ZBTB20: variants seen among roughly 807,000 people sequenced by gnomAD.
ZBTB20 encodes the protein zinc finger and BTB domain-containing protein 20.
Under a neutral mutation model 56.9 loss-of-function variants are expected in ZBTB20, and 9 were observed. The observed-to-expected ratio is 0.16, with a 90% CI of 0.10 to 0.28. The LOEUF (loss-of-function observed/expected upper bound fraction) is 0.28, where lower values mean the gene tolerates loss of function less well. Ranked by LOEUF, ZBTB20 falls within the 10% of genes least tolerant of loss-of-function variation. ZBTB20 has a pLI of 1.00. For missense variants in ZBTB20, 655 were observed against 1,003.0 expected (o/e 0.65, Z 4.69); for synonymous variants, 417 against 420.7 (o/e 0.99, Z 0.11).
At chr3:114,415,281 AAG>A (rs1479247232) in intron 7 of ZBTB20, among the ~76,000 whole-genome samples, 1 of 152,150 alleles carries the variant, frequency 6.6e-6, no homozygotes, top group Non-Finnish European at 1.5e-5. Context: ...GAAAGAGAGT[AAG>A]AGAAAAATGT....
At chr3:114,881,238 C>T (rs1362539436) in intron 4 of ZBTB20, among the ~76,000 whole-genome samples, 2 of 152,044 alleles carry the variant, frequency 1.3e-5, no homozygotes, top group Non-Finnish European at 2.9e-5. Context: ...TGTCAGTCAG[C>T]ACAACTCTTA....
Position 115,134,838 on chromosome 3 carries a change from G to A in ZBTB20, c.-703+12381C>T, listed in dbSNP as rs918445909. Among the ~76,000 whole-genome samples the A allele has an allele frequency of 3.3e-5, 5 of 152,224 alleles. No individual in the cohort carries two copies. In the East Asian group the frequency reaches 9.7e-4, roughly 29 times the overall value. On this transcript the variant is annotated intron_variant, in intron 1 of 11. Transcript: ENST00000675478. ...GTCTGGTTGCCAGATTATCCTAAAT[G>A]GCAGAAATATCACAGGTGGTGAAAA... is the stretch of plus-strand genomic sequence containing the variant.
intron 5 of ZBTB20, among the ~76,000 whole-genome samples, chr3:114,730,918 C>A (rs2065688740): frequency 6.6e-6 from 1 of 152,098 alleles, no homozygotes; most frequent in African/African-American, 2.4e-5. Context: ...AGAAATGTCC[C>A]AAGAGACAAG....
chr3:114,880,418 C>G (rs969078747), intron 4 of ZBTB20, among the ~76,000 whole-genome samples: 1 of 152,054 alleles, frequency 6.6e-6, no homozygotes, highest in East Asian at 1.9e-4. Context: ...TTTCTTTGAA[C>G]CATATTAAGT....
chr3:114,951,426 G>A (rs1368202088), intron 3 of ZBTB20, among the ~76,000 whole-genome samples: 2 of 151,980 alleles, frequency 1.3e-5, no homozygotes, highest in African/African-American at 4.8e-5. Context: ...ATCTTATAGG[G>A]TTACAAAATT....
rs757000070 is a variant in ZBTB20 at position 114,338,956 on chromosome 3, T to C, written c.*49A>G. ...TGCCATAGCTTTTTTGTTTGTTTGT[T>C]TTTTGTTGTTGTTTTGTTTTGTTCA... On this transcript the variant is annotated 3_prime_UTR_variant, in exon 12 of 12. Transcript: ENST00000675478. 6 of 1,454,122 alleles carry C rather than the reference T, an allele frequency of 4.1e-6. No individual in the cohort carries two copies. The highest frequency in any genetic ancestry group is 4.7e-5 in the East Asian group (2 of 42,872). 90.1% of individuals were successfully genotyped at this position (1,454,122 alleles called of 1,614,324 possible). A position where few individuals can be genotyped will look rare whatever the true frequency, so the allele number is the denominator to read the frequency against.
At chr3:115,063,893 C>G (rs1391382723) in intron 2 of ZBTB20, among the ~76,000 whole-genome samples, 1 of 152,208 alleles carries the variant, frequency 6.6e-6, no homozygotes, top group East Asian at 1.9e-4. Flanking sequence ...TTCTTTGATA[C>G]TACCTCATTT....
rs1434015403 is a variant in ZBTB20 at position 114,330,683 on chromosome 3, G to A, written c.*8322C>T. On this transcript the variant is annotated 3_prime_UTR_variant, in exon 12 of 12. Transcript: ENST00000675478. ...AACTGTAAGTAGCCTTACTTAACAGGGGAAGGGGAAAAGTCACCAGAATAG... is the reference window on the plus strand; with the variant it reads ...AACTGTAAGTAGCCTTACTTAACAGAGGAAGGGGAAAAGTCACCAGAATAG... The A allele has an allele frequency of 6.6e-6, 1 of 152,114 alleles. No individual in the cohort carries two copies. The highest frequency in any genetic ancestry group is 1.5e-5 in the Non-Finnish European group (1 of 68,010). 9.4% of individuals were successfully genotyped at this position (152,114 alleles called of 1,614,324 possible).
intron 5 of ZBTB20, among the ~76,000 whole-genome samples, chr3:114,774,824 T>C (rs2069467964): frequency 6.6e-6 from 1 of 152,168 alleles, no homozygotes. Context: ...TAAATTTTCA[T>C]TTTAATAAAT....
At chr3:115,101,916 T>G (rs1453695379) in intron 1 of ZBTB20, among the ~76,000 whole-genome samples, 4 of 152,206 alleles carry the variant, frequency 2.6e-5, no homozygotes, top group Admixed American at 2.6e-4. Context: ...AATTAAAAAT[T>G]AAATAACTTT....
chr3:114,556,018 AATCCTCTCT>A (rs932608466), intron 6 of ZBTB20, among the ~76,000 whole-genome samples: 56 of 152,232 alleles, frequency 3.7e-4, no homozygotes, highest in Middle Eastern at 3.4e-3. Context: ...CTTTTTAAAA[AATCCTCTCT>A]ATCAATGGAG....
At chr3:115,056,872 T>C (rs1419176477) in intron 2 of ZBTB20, among the ~76,000 whole-genome samples, 2 of 152,112 alleles carry the variant, frequency 1.3e-5, no homozygotes, top group African/African-American at 4.8e-5. Flanking sequence ...TAATGTACTC[T>C]CTTTATTTAA....
At chr3:114,637,991 T>C (rs1385259900) in intron 6 of ZBTB20, among the ~76,000 whole-genome samples, 1 of 152,052 alleles carries the variant, frequency 6.6e-6, no homozygotes, top group Non-Finnish European at 1.5e-5. Context: ...CTTCATTCCC[T>C]CATTCTTCCT....
chr3:115,062,797 G>C (rs1485072780), intron 2 of ZBTB20, among the ~76,000 whole-genome samples: 4 of 152,092 alleles, frequency 2.6e-5, no homozygotes, highest in African/African-American at 9.7e-5. Flanking sequence ...TAATGAGTCA[G>C]CAAACAGTTA....
At chr3:114,422,804 G>A (rs778161138) in intron 7 of ZBTB20, among the ~76,000 whole-genome samples, 96 of 152,188 alleles carry the variant, frequency 6.3e-4, no homozygotes, top group Non-Finnish European at 4.9e-4. Context: ...AATGACACCT[G>A]TGTGTTCTTA....
At chr3:115,092,310 G>C (rs903640690) in intron 1 of ZBTB20, among the ~76,000 whole-genome samples, 1 of 151,844 alleles carries the variant, frequency 6.6e-6, no homozygotes, top group Admixed American at 6.6e-5. Context: ...ACAGCAACAG[G>C]GACACAAGGT....
intron 1 of ZBTB20, among the ~76,000 whole-genome samples, chr3:115,140,572 C>CTTTGT (rs1045157021): frequency 5.3e-5 from 8 of 151,688 alleles, no homozygotes; most frequent in Admixed American, 1.3e-4. Context: ...TGGTAGGGGT[C>CTTTGT]TTTGTTTTGT....
At chr3:114,860,353 T>A (rs1455558472) in intron 4 of ZBTB20, among the ~76,000 whole-genome samples, 1 of 152,100 alleles carries the variant, frequency 6.6e-6, no homozygotes, top group East Asian at 1.9e-4. Context: ...GATCTGAATA[T>A]GTGTTTTACA....
chr3:114,654,440 CTTTTT>C (rs1163871428), intron 6 of ZBTB20, among the ~76,000 whole-genome samples: 2 of 151,462 alleles, frequency 1.3e-5, no homozygotes, highest in Admixed American at 6.6e-5. Context: ...TTATTGTTTT[CTTTTT>C]TTATTTCTAA....
Sources: gnomAD v4.1 joint callset for allele counts (sites outside exome capture counted in the v4.1 genomes callset) on GRCh38, gnomAD v4.1.1 for gene constraint, MANE v1.5 for transcripts, NCBI Gene and HGNC (gene_info 2026-07-23, HGNC 2026-07-21) for gene names.